Variants in MYT1L observed in about 807,000 individuals in gnomAD.
The protein encoded by MYT1L is myelin transcription factor 1-like protein.
In MYT1L, 12 loss-of-function variants were observed where a neutral mutation model predicts 126.7. That is an observed-to-expected ratio of 0.09 (90% confidence interval 0.06 to 0.15). MYT1L has a LOEUF of 0.15. MYT1L is among the 10% of genes least tolerant of loss of function. MYT1L has a pLI of 1.00. For missense variants in MYT1L, 979 were observed against 1,585.2 expected (o/e 0.62, Z 6.49); for synonymous variants, 541 against 604.2 (o/e 0.90, Z 1.53).
In MYT1L at chr2:1,843,777, C is replaced by A. The variant is rs372766367; in HGVS notation, c.2775-2934G>T. ...GGCCGAGCTCCTGTAGGCCCTGCCC[C>A]CTGCCCTGTCCCTGAGTCACTCCCT... On this transcript the variant is annotated intron_variant, in intron 19 of 24. Coordinates refer to ENST00000647738, the MANE Select transcript of MYT1L (RefSeq NM_001303052.2). 4.3e-4 allele frequency among the ~76,000 whole-genome samples: 65 copies of A among 152,348 alleles called. 1 individual carries two copies. The South Asian group carries it at 0.013, about 31-fold the overall frequency.
At chr2:2,086,843 T>C (rs1333204304) in intron 3 of MYT1L, among the ~76,000 whole-genome samples, 1 of 152,236 alleles carries the variant, frequency 6.6e-6, no homozygotes, top group Non-Finnish European at 1.5e-5. Flanking sequence ...CTTATTCAGC[T>C]GGTGTCCCAC....
intron 21 of MYT1L, among the ~76,000 whole-genome samples, chr2:1,829,710 C>CTCCCATACACCTGTGAATTGCCCT (rs2039871909): frequency 9.2e-6 from 1 of 108,844 alleles, no homozygotes. Context: ...TGAATTGACC[C>CTCCCATACACCTGTGAATTGCCCT]TCCCATACAC....
intron 3 of MYT1L, among the ~76,000 whole-genome samples, chr2:2,111,278 G>A (rs1346941280): frequency 6.6e-6 from 1 of 152,134 alleles, no homozygotes; most frequent in Non-Finnish European, 1.5e-5. Context: ...AGATGTCCTT[G>A]GCATCCCCGC....
intron 19 of MYT1L, 43 bp downstream of exon 19, chr2:1,851,598 T>G: frequency 1.9e-6 from 3 of 1,573,032 alleles, no homozygotes; most frequent in Non-Finnish European, 2.6e-6. Flanking sequence ...GCCATTTCAG[T>G]GAGAAAGAGC....
intron 3 of MYT1L, among the ~76,000 whole-genome samples, chr2:2,143,966 G>T (rs961342243): frequency 2.0e-5 from 3 of 151,618 alleles, no homozygotes; most frequent in Non-Finnish European, 2.9e-5. Context: ...TATTAGAGGG[G>T]GAGGGAGGGA....
chr2:1,941,283 AC>A (rs1345788631), intron 9 of MYT1L, among the ~76,000 whole-genome samples: 6 of 152,218 alleles, frequency 3.9e-5, no homozygotes, highest in Non-Finnish European at 4.4e-5. Flanking sequence ...AATCCGTCGC[AC>A]CAAACATGAA....
chr2:2,082,783 T>C (rs373466840), intron 3 of MYT1L, among the ~76,000 whole-genome samples: 2 of 152,186 alleles, frequency 1.3e-5, no homozygotes, highest in Non-Finnish European at 2.9e-5. Context: ...GGGAAGACTA[T>C]TGCATGATTA....
At chr2:2,116,802 T>C (rs1350553660) in intron 3 of MYT1L, among the ~76,000 whole-genome samples, 1 of 152,216 alleles carries the variant, frequency 6.6e-6, no homozygotes, top group Non-Finnish European at 1.5e-5. Flanking sequence ...GGAGAGGCTG[T>C]GCAGGGAGTG....
intron 4 of MYT1L, among the ~76,000 whole-genome samples, chr2:2,021,903 C>CAA (rs762653377): frequency 5.4e-5 from 8 of 147,228 alleles, no homozygotes; most frequent in African/African-American, 2.0e-4. Context: ...TCTCAAAAAA[C>CAA]AAAAAAAAAA....
At chr2:1,822,767 TG>T (rs2038736855) in intron 21 of MYT1L, among the ~76,000 whole-genome samples, 1 of 69,000 alleles carries the variant, frequency 1.4e-5, no homozygotes, top group Non-Finnish European at 2.7e-5. Flanking sequence ...GTGTCCACGG[TG>T]AAACCCTCCT....
At chr2:2,281,809 T>A (rs1246633438) in intron 2 of MYT1L, among the ~76,000 whole-genome samples, 2 of 152,198 alleles carry the variant, frequency 1.3e-5, no homozygotes, top group Non-Finnish European at 2.9e-5. Context: ...ATTATAAAAC[T>A]GAATAATATG....
chr2:2,113,494 C>G (rs2147779769), intron 3 of MYT1L, among the ~76,000 whole-genome samples: 1 of 152,310 alleles, frequency 6.6e-6, no homozygotes, highest in African/African-American at 2.4e-5. Flanking sequence ...CACTTTACCA[C>G]TGCATGCAGG....
intron 9 of MYT1L, among the ~76,000 whole-genome samples, chr2:1,937,369 C>T (rs1367028788): frequency 2.6e-5 from 4 of 152,038 alleles, no homozygotes; most frequent in Non-Finnish European, 4.4e-5. Flanking sequence ...AGCGAGAAGG[C>T]CCTAATGTCC....
chr2:2,178,527 T>C (rs576477065), intron 2 of MYT1L, among the ~76,000 whole-genome samples: 5 of 152,320 alleles, frequency 3.3e-5, no homozygotes, highest in African/African-American at 1.2e-4. Flanking sequence ...CACAGAAGGT[T>C]GTCTGGTACC....
chr2:1,827,586 T>G (rs1223707410), intron 21 of MYT1L: 3 of 152,168 alleles, frequency 2.0e-5, no homozygotes, highest in African/African-American at 7.2e-5. Context: ...GGGCTCTGTC[T>G]ACGGCAGGGA....
chr2:2,316,880 G>A (rs376822441), intron 1 of MYT1L, among the ~76,000 whole-genome samples: 15 of 151,596 alleles, frequency 9.9e-5, no homozygotes, highest in African/African-American at 3.1e-4. Context: ...GCGTGATCTC[G>A]GCTTACTACA....
At chr2:2,269,615 T>C (rs961300245) in intron 2 of MYT1L, among the ~76,000 whole-genome samples, 3 of 152,162 alleles carry the variant, frequency 2.0e-5, no homozygotes, top group Admixed American at 6.5e-5. Flanking sequence ...AGATTCAGCT[T>C]TGGAAGCCAA....
intron 14 of MYT1L, among the ~76,000 whole-genome samples, chr2:1,897,460 T>G (rs12621293): frequency 0.2 from 30,556 of 151,446 alleles, 3,382 homozygotes; most frequent in East Asian, 0.33. Context: ...CTTTTTTTTT[T>G]TTTGTTTGTT....
At position 2,031,494 on chromosome 2, in the gene MYT1L, T is replaced by A. The variant is rs571749128; in HGVS notation, c.-158+22484A>T. On this transcript the variant is annotated intron_variant, in intron 4 of 24. Transcript: ENST00000647738. Reference sequence around the variant, plus strand: ...TCTCATCCTGTGGCCCAAAGCAGATTCTAGAAGGAGGGCCTTATACACACC... The same window carrying A: ...TCTCATCCTGTGGCCCAAAGCAGATACTAGAAGGAGGGCCTTATACACACC... Among the ~76,000 whole-genome samples, 7 of 147,008 alleles carry A rather than the reference T, an allele frequency of 4.8e-5. No homozygotes were observed. The East Asian group carries it at 1.2e-3, about 26-fold the overall frequency.
Sources: gnomAD v4.1 joint callset for allele counts (sites outside exome capture counted in the v4.1 genomes callset) on GRCh38, gnomAD v4.1.1 for gene constraint, MANE v1.5 for transcripts, NCBI Gene and HGNC (gene_info 2026-07-23, HGNC 2026-07-21) for gene names.